The following NDUFA5 variants were observed in gnomAD, a reference collection of about 807,000 sequenced individuals.
The protein encoded by NDUFA5 is NADH dehydrogenase [ubiquinone] 1 alpha subcomplex subunit 5.
Under a neutral mutation model 19.8 loss-of-function variants are expected in NDUFA5, and 11 were observed. The observed-to-expected ratio is 0.56, with a 90% CI of 0.35 to 0.92. The LOEUF (loss-of-function observed/expected upper bound fraction) is 0.92, where lower values mean the gene tolerates loss of function less well. NDUFA5 is among the 40% of genes least tolerant of loss of function. NDUFA5 has a pLI of 0.01. For missense variants in NDUFA5, 109 were observed against 134.2 expected, an observed-to-expected ratio of 0.81 and a Z score of 0.93; for synonymous variants, 47 against 46.8, an observed-to-expected ratio of 1.00 and a Z score of -0.01.
intron 2 of NDUFA5, chr7:123,556,933 T>C (rs576375551): frequency 2.0e-6 from 1 of 491,406 alleles, no homozygotes; most frequent in Non-Finnish European, 4.0e-6. Context: ...GGTGTGATTA[T>C]AGAAGGGACA....
rs10280040 is a variant in NDUFA5 at position 123,540,892 on chromosome 7, A to C, written c.*1227T>G. On this transcript the variant is annotated 3_prime_UTR_variant, in exon 5 of 5. Coordinates refer to ENST00000355749, the MANE Select transcript of NDUFA5 (RefSeq NM_005000.5). ...TGAGCAAATGTGCGCATGCGCGTGC[A>C]CACACACACACACACACACACACAC... 1.2e-4 allele frequency: 7 copies of C among 60,490 alleles called. No individual in the cohort carries two copies. Among genetic ancestry groups the C allele is most frequent in the South Asian group, 5.8e-4 (1 of 1,716 alleles). 3.7% of individuals were successfully genotyped at this position (60,490 alleles called of 1,614,324 possible).
chr7:123,558,660 TA>T (rs1459231387), upstream of NDUFA5, among the ~76,000 whole-genome samples: 1 of 152,132 alleles, frequency 6.6e-6, no homozygotes. Flanking sequence ...GAAAAGAGGT[TA>T]AAAATGTATA....
chr7:123,545,539 T>C, intron 4 of NDUFA5, 72 bp downstream of exon 4: 2 of 1,223,956 alleles, frequency 1.6e-6, no homozygotes, highest in South Asian at 2.6e-5. Context: ...AATTTAGTTT[T>C]CCTTTCATTC....
At chr7:123,563,853 T>G in the NDUFA5 span, among the ~76,000 whole-genome samples, 1 of 152,096 alleles carries the variant, frequency 6.6e-6, no homozygotes. Flanking sequence ...AGCACCAGGA[T>G]TGAGATTTAT....
At chr7:123,588,425 T>TCG in the NDUFA5 span, among the ~76,000 whole-genome samples, 1 of 151,686 alleles carries the variant, frequency 6.6e-6, no homozygotes, top group Non-Finnish European at 1.5e-5. Flanking sequence ...TTAGGCCAGC[T>TCG]AAAGTTTCGT....
the NDUFA5 span, among the ~76,000 whole-genome samples, chr7:123,595,579 C>T: frequency 6.6e-5 from 10 of 152,182 alleles, no homozygotes; most frequent in African/African-American, 2.2e-4. Context: ...ACATTCACCT[C>T]ACCTACTTAA....
chr7:123,548,717 G>A (rs1313025611), intron 3 of NDUFA5, among the ~76,000 whole-genome samples: 1 of 152,134 alleles, frequency 6.6e-6, no homozygotes, highest in Non-Finnish European at 1.5e-5. Context: ...TTAGGCCAGT[G>A]GTTCCCAAAC....
At chr7:123,558,020 A>G, upstream of NDUFA5, 1 of 690,148 alleles carries the variant, frequency 1.4e-6, no homozygotes, top group Non-Finnish European at 2.4e-6. Context: ...ACGATTGGGG[A>G]AAGAAAGGGT....
upstream of NDUFA5, among the ~76,000 whole-genome samples, chr7:123,558,518 T>C (rs1798639560): frequency 6.6e-6 from 1 of 152,206 alleles, no homozygotes; most frequent in African/African-American, 2.4e-5. Flanking sequence ...ATAAATAATT[T>C]GGTAACTGTT....
intron 4 of NDUFA5, among the ~76,000 whole-genome samples, chr7:123,544,083 G>C (rs901473544): frequency 5.3e-5 from 8 of 152,024 alleles, no homozygotes. Flanking sequence ...TTTGAAAAAA[G>C]ATGCAACAAA....
At chr7:123,564,037 C>A in the NDUFA5 span, among the ~76,000 whole-genome samples, 1 of 152,164 alleles carries the variant, frequency 6.6e-6, no homozygotes, top group Non-Finnish European at 1.5e-5. Flanking sequence ...AGAGACACAA[C>A]TTAAATTGTA....
rs188066697 is a variant in NDUFA5 at position 123,537,601 on chromosome 7, T to A, written c.*4518A>T. 1 of 152,178 alleles carries A rather than the reference T, an allele frequency of 6.6e-6. No individual in the cohort carries two copies. Among genetic ancestry groups the A allele is most frequent in the African/African-American group, 2.4e-5 (1 of 41,454 alleles). The allele number at this position is 152,178 out of a possible 1,614,324, so 9.4% of individuals were successfully genotyped here. ...AGCAGTTTAGAATCAAATATATTGA[T>A]ACATCTGTGGCAAAATATATTCATA... On this transcript the variant is annotated 3_prime_UTR_variant, in exon 5 of 5. Transcript: ENST00000355749.
rs1298381792 is a variant in NDUFA5, at chr7:123,537,295, CTGT to C, written c.*4821_*4823del. ...AAAATCAAGCATTTCAAAGTATCTC[CTGT>C]TGTTACTACAGGTTAAAATGAATAA... is the stretch of plus-strand genomic sequence containing the variant. On this transcript the variant is annotated 3_prime_UTR_variant, in exon 5 of 5. Coordinates refer to ENST00000355749, the MANE Select transcript of NDUFA5 (RefSeq NM_005000.5). The C allele has an allele frequency of 6.6e-6, 1 of 152,074 alleles. No homozygotes were observed. The highest frequency in any genetic ancestry group is 2.4e-5 in the African/African-American group (1 of 41,424). 9.4% of individuals were successfully genotyped at this position (152,074 alleles called of 1,614,324 possible).
At chr7:123,544,538 T>A (rs1187072473) in intron 4 of NDUFA5, among the ~76,000 whole-genome samples, 2 of 148,374 alleles carry the variant, frequency 1.3e-5, no homozygotes, top group Non-Finnish European at 3.0e-5. Context: ...CCTCTACATA[T>A]GGGGGAAAAA....
chr7:123,558,797 G>C (rs73718419), upstream of NDUFA5, among the ~76,000 whole-genome samples: 1,235 of 152,190 alleles, frequency 8.1e-3, 14 homozygotes, highest in African/African-American at 0.028. Flanking sequence ...TAAGGAATGG[G>C]AACAATGAGA....
chr7:123,569,430 A>G, the NDUFA5 span, among the ~76,000 whole-genome samples: 1 of 152,212 alleles, frequency 6.6e-6, no homozygotes, highest in Admixed American at 6.5e-5. Context: ...AATATTTAAA[A>G]AGTCATTACT....
intron 2 of NDUFA5, chr7:123,556,798 T>C (rs1251264858): frequency 2.0e-6 from 1 of 489,452 alleles, no homozygotes; most frequent in South Asian, 1.5e-5. Flanking sequence ...TTTGGCAGCA[T>C]GGAGATAATT....
intron 2 of NDUFA5, chr7:123,555,950 A>T (rs1020769962): frequency 3.3e-5 from 5 of 152,282 alleles, no homozygotes; most frequent in African/African-American, 1.2e-4. Flanking sequence ...AGGCTGTGAC[A>T]AGCATTGAGA....
At chr7:123,557,329 C>A (rs746186469) in intron 2 of NDUFA5, 75 bp downstream of exon 2, 23 of 1,598,214 alleles carry the variant, frequency 1.4e-5, no homozygotes, top group East Asian at 2.3e-5. Flanking sequence ...TCCCGTTAAC[C>A]CTGCAATAAG....
Sources: gnomAD v4.1 joint callset for allele counts (sites outside exome capture counted in the v4.1 genomes callset) on GRCh38, gnomAD v4.1.1 for gene constraint, MANE v1.5 for transcripts, NCBI Gene and HGNC (gene_info 2026-07-23, HGNC 2026-07-21) for gene names.